TIE1: variants seen among roughly 807,000 people sequenced by gnomAD.
TIE1 encodes tyrosine-protein kinase receptor Tie-1.
In TIE1, 89 loss-of-function variants were observed where a neutral mutation model predicts 130.5. That is an observed-to-expected ratio of 0.68 (90% CI 0.57 to 0.81). TIE1 has a LOEUF of 0.81. TIE1 is among the 40% of genes least tolerant of loss of function. TIE1 has a pLI of 0.00. For missense variants in TIE1, 1,392 were observed against 1,559.8 expected (o/e 0.89, Z 1.81); for synonymous variants, 568 against 629.4 (o/e 0.90, Z 1.46).
Position 43,317,757 on chromosome 1 carries a change from G to A in TIE1, c.2731+83G>A, listed in dbSNP as rs1489933860. On this transcript the variant is annotated intron_variant, in intron 16 of 22. Transcript: ENST00000372476. This position sits in a 1 kb window ranked among gnomAD's most constrained non-coding sequence, Gnocchi z 5.1. ...CTCCACCACATGAGTAGCTTGCCAGGGGCTGCTGGTGACCTGTGCACCACC... is the reference window on the plus strand; with the variant it reads ...CTCCACCACATGAGTAGCTTGCCAGAGGCTGCTGGTGACCTGTGCACCACC... 6.1e-6 allele frequency: 9 copies of A among 1,472,890 alleles called. No homozygotes were observed. In the East Asian group the frequency reaches 2.0e-4, roughly 34 times the overall value. 91.2% of individuals were successfully genotyped at this position (1,472,890 alleles called of 1,614,324 possible).
intron 9 of TIE1, among the ~76,000 whole-genome samples, chr1:43,311,246 G>T (rs1347299326): frequency 6.6e-6 from 1 of 152,120 alleles, no homozygotes; most frequent in Non-Finnish European, 1.5e-5. Context: ...TAGAGGTCAT[G>T]CTATGAAGCG....
At position 43,322,820 on chromosome 1, in the gene TIE1, C is replaced by A; in HGVS notation, c.*98C>A. The A allele has an allele frequency of 8.3e-7, 1 of 1,197,798 alleles. No individual in the cohort carries two copies. Among genetic ancestry groups the A allele is most frequent in the Non-Finnish European group, 1.2e-6 (1 of 842,068 alleles). The allele number at this position is 1,197,798 out of a possible 1,614,324, so 74.2% of individuals were successfully genotyped here. A position where few individuals can be genotyped will look rare whatever the true frequency, so the allele number is the denominator to read the frequency against. On this transcript the variant is annotated 3_prime_UTR_variant, in exon 23 of 23. Coordinates refer to ENST00000372476, the MANE Select transcript of TIE1 (RefSeq NM_005424.5). The surrounding 1 kb of genome is among the most constrained non-coding windows in gnomAD (Gnocchi z 4.0). ...CCTTACAGCCTCTGACTTAAGCTGC[C>A]TCAAGGAATTTTTTTAACTTAAGGG...
rs932819931 is a variant in TIE1, at chr1:43,318,481, G to T, written c.2922+409G>T. 6.6e-6 allele frequency among the ~76,000 whole-genome samples: 1 copy of T among 152,044 alleles called. No homozygotes were observed. Among genetic ancestry groups the T allele is most frequent in the Non-Finnish European group, 1.5e-5 (1 of 67,976 alleles). On this transcript the variant is annotated intron_variant, in intron 17 of 22. Coordinates refer to ENST00000372476, the MANE Select transcript of TIE1 (RefSeq NM_005424.5). This position sits in a 1 kb window ranked among gnomAD's most constrained non-coding sequence, Gnocchi z 4.4. ...GACAGGGGGATGACTGTCCAGGGGA[G>T]TGTGAGTCTGAGGGAAGGCATTTTA...
Position 43,319,584 on chromosome 1 carries a change from C to T in TIE1, c.3107+55C>T. ...GCTTGGCCCCCAAGAATCACCCAGG[C>T]CTGACCTAGACATATCTCAGAAATG... On this transcript the variant is annotated intron_variant, in intron 19 of 22. Coordinates refer to ENST00000372476, the MANE Select transcript of TIE1 (RefSeq NM_005424.5). This position sits in a 1 kb window ranked among gnomAD's most constrained non-coding sequence, Gnocchi z 4.7. 1.3e-6 allele frequency: 2 copies of T among 1,552,106 alleles called. No homozygotes were observed. Among genetic ancestry groups the T allele is most frequent in the East Asian group, 4.5e-5 (2 of 44,546 alleles).
chr1:43,306,829 A>G lies in TIE1; in HGVS notation c.485-11A>G, dbSNP rs762497182. 2.5e-6 allele frequency: 4 copies of G among 1,601,208 alleles called. No homozygotes were observed. In the African/African-American group the frequency reaches 5.4e-5, roughly 21 times the overall value. On this transcript the variant is annotated splice_polypyrimidine_tract_variant and intron_variant, in intron 3 of 22. Transcript: ENST00000372476. This position sits in a 1 kb window ranked among gnomAD's most constrained non-coding sequence, Gnocchi z 4.9. Reference sequence around the variant, plus strand: ...TAGTGCTGAGGCCCCTGACACATTCATGTCCCCCAGGATCCTACTTCTACA... The same window carrying G: ...TAGTGCTGAGGCCCCTGACACATTCGTGTCCCCCAGGATCCTACTTCTACA...
Position 43,307,853 on chromosome 1 carries a change from G to T in TIE1, c.971G>T (p.Gly324Val), listed in dbSNP as rs377710471. ...CGACTCCAGTGCCAGTGTCAGAATG[G>T]TGGCACTTGTGACCGGTTCAGTGGT... ...DCRLQCQCQN[G>V]GTCDRFSGCV... is the part of the protein sequence containing the mutation. The change falls in exon 7 of 23, where the codon GGT becomes GTT. Residue 324 changes from glycine to valine, a missense_variant. Around this residue, in one of 6 missense-constraint regions of TIE1, gnomAD observed 28 missense variants for 54.7 expected, o/e 0.51. Coordinates refer to ENST00000372476, the MANE Select transcript of TIE1 (RefSeq NM_005424.5). The surrounding 1 kb of genome is among the most constrained non-coding windows in gnomAD (Gnocchi z 5.4). 1 of 1,614,192 alleles carries T rather than the reference G, an allele frequency of 6.2e-7. No homozygotes were observed. Among genetic ancestry groups the T allele is most frequent in the African/African-American group, 1.3e-5 (1 of 75,050 alleles).
Position 43,306,747 on chromosome 1 carries a change from G to C in TIE1, c.485-93G>C. On this transcript the variant is annotated intron_variant, in intron 3 of 22. Coordinates refer to ENST00000372476, the MANE Select transcript of TIE1 (RefSeq NM_005424.5). This position sits in a 1 kb window ranked among gnomAD's most constrained non-coding sequence, Gnocchi z 4.9. ...CCCTAGGTCTCATCACTGTGCATGG[G>C]GCTCATTGATGTGAGCTGAGCAGAG... The C allele has an allele frequency of 7.0e-7, 1 of 1,432,230 alleles. No individual in the cohort carries two copies. The highest frequency in any genetic ancestry group is 9.4e-7 in the Non-Finnish European group (1 of 1,061,690). The allele number at this position is 1,432,230 out of a possible 1,614,324, so 88.7% of individuals were successfully genotyped here. A position where few individuals can be genotyped will look rare whatever the true frequency, so the allele number is the denominator to read the frequency against.
Position 43,305,180 on chromosome 1 carries a change from C to T in TIE1, c.373+15C>T, listed in dbSNP as rs376982235. ...CAGCCCTGGAGGTGAGTTAGGCAGG[C>T]GGGGGGATGGCGCGGGGAAAACCAG... On this transcript the variant is annotated intron_variant, in intron 2 of 22. Coordinates refer to ENST00000372476, the MANE Select transcript of TIE1 (RefSeq NM_005424.5). 5.6e-6 allele frequency: 9 copies of T among 1,613,830 alleles called. No individual in the cohort carries two copies. The highest frequency in any genetic ancestry group is 1.7e-5 in the Admixed American group (1 of 59,980).
chr1:43,305,130 G>A lies in TIE1; in HGVS notation c.338G>A (p.Arg113His). ...FSCVGGAGAR[R>H]TRVIYVHNSP... ...TGCGTGGGCGGTGCTGGGGCGCGGC[G>A]CACGCGCGTCATCTACGTGCACAAC... Residue 113 changes from arginine (R) to histidine (H), a missense_variant, in exon 2 of 23, where the codon CGC (arginine) becomes CAC (histidine). This residue lies in a region of TIE1 where 415 missense variants were observed against 424.8 expected (regional missense o/e 0.98). Coordinates refer to ENST00000372476, the MANE Select transcript of TIE1 (RefSeq NM_005424.5). The A allele has an allele frequency of 1.2e-6, 2 of 1,613,786 alleles. No individual in the cohort carries two copies. Among genetic ancestry groups the A allele is most frequent in the Non-Finnish European group, 1.7e-6 (2 of 1,179,856 alleles).
chr1:43,317,038 C>A lies in TIE1; in HGVS notation c.2410-161C>A, dbSNP rs1359082533. On this transcript the variant is annotated intron_variant, in intron 14 of 22. Transcript: ENST00000372476. This position sits in a 1 kb window ranked among gnomAD's most constrained non-coding sequence, Gnocchi z 5.1. The stretch of plus-strand genomic sequence containing the variant: ...TATGATTCTGTCTCAGTTATGTCCT[C>A]TGTCTGCCTGTCTGTCCCTGGCTGA... Among the ~76,000 whole-genome samples the A allele has an allele frequency of 6.6e-6, 1 of 152,186 alleles. No individual in the cohort carries two copies. The highest frequency in any genetic ancestry group is 1.5e-5 in the Non-Finnish European group (1 of 68,042).
Position 43,318,723 on chromosome 1 carries a change from C to T in TIE1, c.2923-512C>T, listed in dbSNP as rs564041265. 4.6e-5 allele frequency among the ~76,000 whole-genome samples: 7 copies of T among 152,182 alleles called. No homozygotes were observed. The highest frequency in any genetic ancestry group is 3.9e-4 in the East Asian group (2 of 5,174). ...TTCACCATGCTGGCCAGGCTGGTCT[C>T]GAACTCCTGTCCTCGAGTGATCCAC... On this transcript the variant is annotated intron_variant, in intron 17 of 22. Coordinates refer to ENST00000372476, the MANE Select transcript of TIE1 (RefSeq NM_005424.5). The surrounding 1 kb of genome is among the most constrained non-coding windows in gnomAD (Gnocchi z 4.4).
intron 9 of TIE1, among the ~76,000 whole-genome samples, chr1:43,310,477 C>T (rs758348814): frequency 6.6e-6 from 1 of 152,156 alleles, no homozygotes; most frequent in African/African-American, 2.4e-5. Flanking sequence ...TAGCACAGTG[C>T]CCGATACAGG....
chr1:43,301,106 T>A lies in TIE1; in HGVS notation c.35T>A (p.Ile12Asn). 1.2e-6 allele frequency: 2 copies of A among 1,613,804 alleles called. No homozygotes were observed. Among genetic ancestry groups the A allele is most frequent in the African/African-American group, 1.3e-5 (1 of 74,992 alleles). ...CGGGTGCCCCCTTTCTTGCTCCCCA[T>A]CCTCTTCTTGGCTTCTCATGTGGGT... ...VWRVPPFLLP[I>N]LFLASHVGAA... Residue 12 changes from isoleucine (I) to asparagine (N), a missense_variant, in exon 1 of 23, where the codon ATC (isoleucine) becomes AAC (asparagine). Physicochemically the swap from Ile to Asn is moderately radical, Grantham distance 149 (BLOSUM62 -3). This residue lies in a region of TIE1 where 415 missense variants were observed against 424.8 expected (regional missense o/e 0.98). Coordinates refer to ENST00000372476, the MANE Select transcript of TIE1 (RefSeq NM_005424.5).
Position 43,317,752 on chromosome 1 carries a change from G to A in TIE1, c.2731+78G>A. The A allele has an allele frequency of 1.4e-6, 2 of 1,464,788 alleles. No homozygotes were observed. Among genetic ancestry groups the A allele is most frequent in the South Asian group, 2.5e-5 (2 of 79,422 alleles). The allele number at this position is 1,464,788 out of a possible 1,614,324, so 90.7% of individuals were successfully genotyped here. On this transcript the variant is annotated intron_variant, in intron 16 of 22. Transcript: ENST00000372476. The surrounding 1 kb of genome is among the most constrained non-coding windows in gnomAD (Gnocchi z 5.1). ...ATCACCTCCACCACATGAGTAGCTT[G>A]CCAGGGGCTGCTGGTGACCTGTGCA... is the stretch of plus-strand genomic sequence containing the variant.
chr1:43,308,063 A>G (rs1212307787), intron 7 of TIE1, 139 bp downstream of exon 7: 2 of 1,312,982 alleles, frequency 1.5e-6, no homozygotes, highest in Admixed American at 2.4e-5. Context: ...AGTCTGATGG[A>G]CAGGGAGCTC....
Position 43,307,962 on chromosome 1 carries a change from A to G in TIE1, c.1042+38A>G, listed in dbSNP as rs1300799433. 6.2e-7 allele frequency: 1 copy of G among 1,608,778 alleles called. No individual in the cohort carries two copies. Among genetic ancestry groups the G allele is most frequent in the Non-Finnish European group, 8.5e-7 (1 of 1,175,848 alleles). The stretch of plus-strand genomic sequence containing the variant: ...TGACCTCTGAGAGCCCCCCAAGATA[A>G]GTCGGCCTTTACCAAACACATCTCC... On this transcript the variant is annotated intron_variant, in intron 7 of 22. Transcript: ENST00000372476. This position sits in a 1 kb window ranked among gnomAD's most constrained non-coding sequence, Gnocchi z 5.4.
At chr1:43,321,032 C>CAAAAAA (rs752698629) in intron 19 of TIE1, among the ~76,000 whole-genome samples, 29 of 97,280 alleles carry the variant, frequency 3.0e-4, no homozygotes, top group Non-Finnish European at 4.9e-4. Flanking sequence ...GACCCTGTCT[C>CAAAAAA]AAAAAAAAAA....
At position 43,311,698 on chromosome 1, in the gene TIE1, G is replaced by T; in HGVS notation, c.1361G>T (p.Arg454Leu). Reference protein sequence around the residue: ...KVPPVPLAAPRLLTKQSRQLV... With the variant: ...KVPPVPLAAPLLLTKQSRQLV... ...CCCCCCGTGCCCCTGGCTGCACCTC[G>T]GCTCCTGACCAAGCAGAGCCGCCAG... The change falls in exon 10 of 23, where the codon CGG becomes CTG. Residue 454 changes from arginine to leucine, a missense_variant. By Grantham distance (102) the Arg-to-Leu change is moderately radical (BLOSUM62 -2). Coordinates refer to ENST00000372476, the MANE Select transcript of TIE1 (RefSeq NM_005424.5). 1 of 1,613,720 alleles carries T rather than the reference G, an allele frequency of 6.2e-7. No homozygotes were observed. Among genetic ancestry groups the T allele is most frequent in the Non-Finnish European group, 8.5e-7 (1 of 1,179,922 alleles).
At chr1:43,304,817 G>T in intron 1 of TIE1, 34 bp from the exon 2 acceptor site, 1 of 1,397,192 alleles carries the variant, frequency 7.2e-7, no homozygotes, top group Non-Finnish European at 9.2e-7. Context: ...GGTTGGCTGG[G>T]ACTACAATAG....
Sources: gnomAD v4.1 joint callset for allele counts (sites outside exome capture counted in the v4.1 genomes callset) on GRCh38, gnomAD v4.1.1 for gene constraint, gnomAD v4.1.1 regional missense constraint, Gnocchi (gnomAD v3.1) non-coding constraint, MANE v1.5 for transcripts, NCBI Gene and HGNC (gene_info 2026-07-23, HGNC 2026-07-21) for gene names.